The following VPS13B variants were observed in gnomAD, a reference collection of about 807,000 sequenced individuals.
VPS13B encodes intermembrane lipid transfer protein VPS13B.
In VPS13B, 285 loss-of-function variants were observed where a neutral mutation model predicts 426.4. The observed-to-expected ratio is 0.67, with a 90% confidence interval of 0.61 to 0.74. The LOEUF is 0.74. Ranked by LOEUF, VPS13B falls within the 30% of genes least tolerant of loss-of-function variation. VPS13B has a pLI of 0.00. For missense variants in VPS13B, 4,537 were observed against 4,782.6 expected (o/e 0.95, Z 1.51); for synonymous variants, 1,676 against 1,676.4 (o/e 1.00, Z 0.01).
At chr8:99,172,140 A>G (rs1812376178) in intron 16 of VPS13B, among the ~76,000 whole-genome samples, 1 of 152,184 alleles carries the variant, frequency 6.6e-6, no homozygotes, top group Admixed American at 6.6e-5. Flanking sequence ...TCAAATATTC[A>G]TTAGTCCCAT....
Position 99,394,932 on chromosome 8 carries a change from T to C in VPS13B, c.3082+3228T>C, listed in dbSNP as rs534919169. Among the ~76,000 whole-genome samples, 3 of 152,322 alleles carry C rather than the reference T, an allele frequency of 2.0e-5. No homozygotes were observed. In the South Asian group the frequency reaches 6.2e-4, roughly 32 times the overall value. On this transcript the variant is annotated intron_variant, in intron 21 of 61. Transcript: ENST00000357162. ...AAATTCAAAATATAGAACTTTAGCT[T>C]CTGGCCATGATAGAGTAACAGGGTT...
chr8:99,397,159 T>G (rs1271992386), intron 21 of VPS13B, among the ~76,000 whole-genome samples: 2 of 152,240 alleles, frequency 1.3e-5, no homozygotes, highest in South Asian at 4.1e-4. Flanking sequence ...ATTTATTTAT[T>G]TTTTGAGACG....
At chr8:99,771,475 C>A (rs1327651602) in intron 40 of VPS13B, among the ~76,000 whole-genome samples, 2 of 152,140 alleles carry the variant, frequency 1.3e-5, no homozygotes, top group Non-Finnish European at 2.9e-5. Context: ...CTTCCTACTC[C>A]CTTAAGGTCT....
intron 19 of VPS13B, among the ~76,000 whole-genome samples, chr8:99,277,996 T>C (rs1249851593): frequency 6.6e-6 from 1 of 152,214 alleles, no homozygotes; most frequent in Non-Finnish European, 1.5e-5. Context: ...AAGAAAAAGA[T>C]GTTAGGTGGT....
At chr8:99,198,647 C>A (rs1336336007) in intron 17 of VPS13B, among the ~76,000 whole-genome samples, 1 of 151,646 alleles carries the variant, frequency 6.6e-6, no homozygotes, top group Non-Finnish European at 1.5e-5. Context: ...CATTTAGAAA[C>A]CTAAAATTAG....
Position 99,833,061 on chromosome 8 carries a change from C to A in VPS13B, c.9614+409C>A, listed in dbSNP as rs553948437. ...AATATGAGCAAGTCAAGTTGGAAGA[C>A]CTTTTTCTTTTCCCATATTTTACTT... is the stretch of plus-strand genomic sequence containing the variant. On this transcript the variant is annotated intron_variant, in intron 52 of 61. Coordinates refer to ENST00000357162, the MANE Select transcript of VPS13B (RefSeq NM_152564.5). 1.2e-4 allele frequency among the ~76,000 whole-genome samples: 19 copies of A among 152,226 alleles called. No individual in the cohort carries two copies. The South Asian group carries it at 3.1e-3, about 25-fold the overall frequency.
intron 36 of VPS13B, among the ~76,000 whole-genome samples, chr8:99,710,531 C>T (rs191436720): frequency 6.9e-4 from 105 of 152,104 alleles, no homozygotes; most frequent in Non-Finnish European, 1.1e-3. Context: ...GCCTGATGTC[C>T]CATGGGCTGG....
chr8:99,056,933 A>G (rs1843907987), intron 3 of VPS13B, among the ~76,000 whole-genome samples: 1 of 152,080 alleles, frequency 6.6e-6, no homozygotes, highest in East Asian at 1.9e-4. Flanking sequence ...TAAGTCCTAT[A>G]TATGTTTTGT....
rs1054035175 is a variant in VPS13B, at chr8:99,696,144, T to G, written c.6047-3381T>G. 6.1e-5 allele frequency: 10 copies of G among 163,868 alleles called. No individual in the cohort carries two copies. In the South Asian group the frequency reaches 1.3e-3, roughly 21 times the overall value. 10.2% of individuals were successfully genotyped at this position (163,868 alleles called of 1,614,324 possible). A position where few individuals can be genotyped will look rare whatever the true frequency, so the allele number is the denominator to read the frequency against. On this transcript the variant is annotated intron_variant, in intron 35 of 61. Coordinates refer to ENST00000357162, the MANE Select transcript of VPS13B (RefSeq NM_152564.5). ...CCATGGACCTCTGCCACAGTGGATT[T>G]TATGGTTGCGGGACCTCGGTGCCTT...
At chr8:99,761,036 T>C (rs1810902655) in intron 39 of VPS13B, among the ~76,000 whole-genome samples, 1 of 152,188 alleles carries the variant, frequency 6.6e-6, no homozygotes. Flanking sequence ...TGAAGGATGA[T>C]TATATATTCT....
chr8:99,203,036 G>A (rs1325112602), intron 17 of VPS13B, among the ~76,000 whole-genome samples: 3 of 93,574 alleles, frequency 3.2e-5, no homozygotes, highest in South Asian at 4.8e-4. Context: ...GCGACGGAGC[G>A]AGACTGTCTC....
At chr8:99,316,626 C>T (rs996540017) in intron 19 of VPS13B, among the ~76,000 whole-genome samples, 1 of 152,146 alleles carries the variant, frequency 6.6e-6, no homozygotes, top group African/African-American at 2.4e-5. Context: ...GGATGCCTCT[C>T]CAGGGTCGCA....
intron 35 of VPS13B, among the ~76,000 whole-genome samples, chr8:99,691,148 C>A (rs1234513778): frequency 6.6e-6 from 1 of 151,942 alleles, no homozygotes; most frequent in Non-Finnish European, 1.5e-5. Context: ...TATGAAATGT[C>A]CTGAATAGGC....
At chr8:99,274,368 T>C (rs1588198724) in intron 18 of VPS13B, 36 bp downstream of exon 18, 1 of 1,613,880 alleles carries the variant, frequency 6.2e-7, no homozygotes, top group East Asian at 2.2e-5. Flanking sequence ...CTTTATTGCC[T>C]GTATAGGAGA....
intron 23 of VPS13B, among the ~76,000 whole-genome samples, chr8:99,443,692 A>G (rs529446088): frequency 2.2e-4 from 34 of 152,284 alleles, no homozygotes; most frequent in African/African-American, 7.9e-4. Flanking sequence ...TTATGGATAT[A>G]TCAAATTTTT....
At chr8:99,612,239 A>G (rs971399382) in intron 33 of VPS13B, among the ~76,000 whole-genome samples, 1 of 152,152 alleles carries the variant, frequency 6.6e-6, no homozygotes, top group African/African-American at 2.4e-5. Context: ...CTCCTCATCT[A>G]TCAAATGAGA....
chr8:99,685,435 T>C (rs1162483078), intron 35 of VPS13B, among the ~76,000 whole-genome samples: 1 of 152,226 alleles, frequency 6.6e-6, no homozygotes, highest in Non-Finnish European at 1.5e-5. Context: ...AAGAATCTAC[T>C]TTCAAACTTA....
intron 43 of VPS13B, among the ~76,000 whole-genome samples, chr8:99,792,770 G>A (rs1395178118): frequency 6.6e-6 from 1 of 152,158 alleles, no homozygotes; most frequent in Non-Finnish European, 1.5e-5. Flanking sequence ...GCCAACTGCA[G>A]CTCATTTGGA....
At chr8:99,788,586 G>A (rs1364870881) in intron 43 of VPS13B, among the ~76,000 whole-genome samples, 1 of 152,118 alleles carries the variant, frequency 6.6e-6, no homozygotes. Context: ...TTTACAGTTT[G>A]TTGCAGCTAC....
Sources: allele counts gnomAD v4.1 joint callset (sites outside exome capture counted in the v4.1 genomes callset), GRCh38; gene constraint gnomAD v4.1.1; transcripts MANE v1.5; gene names NCBI Gene and HGNC (gene_info 2026-07-23, HGNC 2026-07-21).